PDLIM5: variants seen among roughly 807,000 people sequenced by gnomAD.
The protein encoded by PDLIM5 is PDZ and LIM domain 5.
In PDLIM5, 34 loss-of-function variants were observed where a neutral mutation model predicts 64.2. That is an observed-to-expected ratio of 0.53 (90% CI 0.40 to 0.71). The LOEUF is 0.71. Ranked by LOEUF, PDLIM5 falls within the 30% of genes least tolerant of loss-of-function variation. The pLI is 0.00. For synonymous variants in PDLIM5, 253 were observed against 269.1 expected (o/e 0.94, Z 0.59); for missense variants, 683 against 733.6 (o/e 0.93, Z 0.80).
intron 10 of PDLIM5, among the ~76,000 whole-genome samples, chr4:94,655,373 C>A (rs907419978): frequency 6.6e-6 from 1 of 152,056 alleles, no homozygotes; most frequent in Non-Finnish European, 1.5e-5. Context: ...GCCAGAGTAC[C>A]TGGCTTCACA....
chr4:94,660,535 T>C (rs565289320), intron 11 of PDLIM5, among the ~76,000 whole-genome samples: 1 of 152,334 alleles, frequency 6.6e-6, no homozygotes, highest in African/African-American at 2.4e-5. Flanking sequence ...GAAATTTATT[T>C]ATTATCATTT....
chr4:94,613,960 C>CTTTTTTTT (rs759120575), intron 7 of PDLIM5, among the ~76,000 whole-genome samples: 1 of 124,348 alleles, frequency 8.0e-6, no homozygotes. Flanking sequence ...ACTTTTAATC[C>CTTTTTTTT]TTTTTTTTTT....
At chr4:94,539,779 G>C (rs1007108374) in intron 3 of PDLIM5, among the ~76,000 whole-genome samples, 2 of 152,118 alleles carry the variant, frequency 1.3e-5, no homozygotes, top group Non-Finnish European at 1.5e-5. Context: ...TCTAGGCAGA[G>C]AGCACAGCTT....
At chr4:94,486,883 G>T (rs555994248) in intron 2 of PDLIM5, among the ~76,000 whole-genome samples, 1 of 152,200 alleles carries the variant, frequency 6.6e-6, no homozygotes, top group Non-Finnish European at 1.5e-5. Context: ...TATGCCTGTA[G>T]TTCCAGCTGC....
At chr4:94,585,422 C>T (rs761776435) in intron 5 of PDLIM5, 143 bp from the exon 6 acceptor site, 10 of 534,160 alleles carry the variant, frequency 1.9e-5, no homozygotes, top group South Asian at 1.8e-4. Flanking sequence ...AACTTGAGAC[C>T]GAATATACTT....
chr4:94,604,458 A>G (rs1578455603), intron 7 of PDLIM5, among the ~76,000 whole-genome samples: 1 of 151,914 alleles, frequency 6.6e-6, no homozygotes, highest in Non-Finnish European at 1.5e-5. Context: ...ACATGGAGAA[A>G]CCCCGTCTCT....
intron 3 of PDLIM5, among the ~76,000 whole-genome samples, chr4:94,551,832 C>T (rs1373128326): frequency 6.6e-6 from 1 of 152,050 alleles, no homozygotes; most frequent in Non-Finnish European, 1.5e-5. Context: ...AATAGTTTTC[C>T]TGTGTAGTTG....
chr4:94,460,603 A>G (rs960831736), intron 2 of PDLIM5, among the ~76,000 whole-genome samples: 7 of 151,064 alleles, frequency 4.6e-5, no homozygotes, highest in Non-Finnish European at 8.8e-5. Flanking sequence ...TCTGTGCCAC[A>G]GAACCAGACC....
intron 2 of PDLIM5, among the ~76,000 whole-genome samples, chr4:94,460,147 A>T (rs1723748763): frequency 6.6e-6 from 1 of 152,064 alleles, no homozygotes; most frequent in Admixed American, 6.6e-5. Flanking sequence ...ATGTGTGTTC[A>T]CTCTGCTTTA....
At chr4:94,551,886 G>A (rs1732841879) in intron 3 of PDLIM5, among the ~76,000 whole-genome samples, 5 of 152,110 alleles carry the variant, frequency 3.3e-5, no homozygotes, top group African/African-American at 1.2e-4. Flanking sequence ...GTGGAAGAAT[G>A]TCTTTTTTTT....
intron 7 of PDLIM5, among the ~76,000 whole-genome samples, chr4:94,589,837 C>T (rs761248426): frequency 1.4e-4 from 21 of 151,438 alleles, no homozygotes; most frequent in South Asian, 6.3e-4. Context: ...TGCGATGGTG[C>T]GGTATTGGCT....
At chr4:94,585,350 A>G (rs1333159490) in intron 5 of PDLIM5, among the ~76,000 whole-genome samples, 1 of 152,126 alleles carries the variant, frequency 6.6e-6, no homozygotes, top group Non-Finnish European at 1.5e-5. Flanking sequence ...TCAGCCTCCC[A>G]AAGTGCTGGG....
intron 3 of PDLIM5, among the ~76,000 whole-genome samples, chr4:94,530,632 T>A (rs533848085): frequency 6.6e-6 from 1 of 151,934 alleles, no homozygotes; most frequent in African/African-American, 2.4e-5. Flanking sequence ...TTCTTCAAAC[T>A]TCATTTACTG....
At chr4:94,472,493 A>T (rs1560637954) in intron 2 of PDLIM5, among the ~76,000 whole-genome samples, 1 of 152,222 alleles carries the variant, frequency 6.6e-6, no homozygotes, top group Non-Finnish European at 1.5e-5. Context: ...GCAGTGAAGG[A>T]TGAATTCACA....
chr4:94,458,666 G>T (rs1157636292), intron 2 of PDLIM5, among the ~76,000 whole-genome samples: 2 of 152,116 alleles, frequency 1.3e-5, no homozygotes. Context: ...TGGAGCTCTG[G>T]TGTATCGAAT....
chr4:94,479,911 T>C (rs1287160467), intron 2 of PDLIM5, among the ~76,000 whole-genome samples: 1 of 152,230 alleles, frequency 6.6e-6, no homozygotes, highest in Non-Finnish European at 1.5e-5. Context: ...GTGTAACATT[T>C]TCCACTGCCT....
chr4:94,556,540 T>G (rs1445152041), intron 3 of PDLIM5, among the ~76,000 whole-genome samples: 1 of 152,198 alleles, frequency 6.6e-6, no homozygotes, highest in Non-Finnish European at 1.5e-5. Flanking sequence ...AAAGTGTTCC[T>G]GTTTCTCCCC....
chr4:94,546,025 A>G (rs1560692834), intron 3 of PDLIM5, among the ~76,000 whole-genome samples: 1 of 152,200 alleles, frequency 6.6e-6, no homozygotes, highest in South Asian at 2.1e-4. Context: ...TTGATTATAT[A>G]ATGCAAAAAG....
intron 2 of PDLIM5, among the ~76,000 whole-genome samples, chr4:94,499,571 TC>T (rs1384958236): frequency 1.3e-5 from 2 of 152,170 alleles, no homozygotes; most frequent in African/African-American, 4.8e-5. Flanking sequence ...TGACAAGTAA[TC>T]CAGAGATGAT....
Sources: allele counts gnomAD v4.1 joint callset (sites outside exome capture counted in the v4.1 genomes callset), GRCh38; gene constraint gnomAD v4.1.1; transcripts MANE v1.5; gene names NCBI Gene and HGNC (gene_info 2026-07-23, HGNC 2026-07-21).